Variants in UBE3B observed in about 807,000 individuals in gnomAD.
UBE3B encodes ubiquitin-protein ligase E3B.
Under a neutral mutation model 132.3 loss-of-function variants are expected in UBE3B, and 80 were observed. That is an observed-to-expected ratio of 0.60 (90% CI 0.50 to 0.73). UBE3B has a LOEUF of 0.73. Among genes scored for constraint, UBE3B ranks in the 30% least tolerant of loss-of-function variants. The pLI is 0.00. For synonymous variants in UBE3B, 487 were observed against 520.4 expected (o/e 0.94, Z 0.87); for missense variants, 1,196 against 1,362.5 (o/e 0.88, Z 1.92).
chr12:109,497,871 A>G lies in UBE3B; in HGVS notation c.767A>G (p.His256Arg). Residue 256 changes from histidine to arginine, a missense_variant, in exon 10 of 28, where the codon CAC (histidine) becomes CGC (arginine). Physicochemically the swap from His to Arg is conservative, Grantham distance 29. Coordinates refer to ENST00000342494, the MANE Select transcript of UBE3B (RefSeq NM_130466.4). ...SDNLIRPFLI[H>R]IMSVPALVTH... The stretch of plus-strand genomic sequence containing the variant: ...AATCTGATTCGGCCGTTCCTCATCC[A>G]CATCATGTCTGTGCCTGCTCTGGTG... 3 of 1,614,168 alleles carry G rather than the reference A, an allele frequency of 1.9e-6. No individual in the cohort carries two copies. Among genetic ancestry groups the G allele is most frequent in the African/African-American group, 1.3e-5 (1 of 75,040 alleles).
At chr12:109,506,787 G>T (rs1879745633) in intron 14 of UBE3B, among the ~76,000 whole-genome samples, 1 of 152,338 alleles carries the variant, frequency 6.6e-6, no homozygotes, top group Non-Finnish European at 1.5e-5. Context: ...AGGAACTGCA[G>T]CCTAACTTAG....
At chr12:109,545,921 AGTAAAGGGCC>A in the UBE3B span, among the ~76,000 whole-genome samples, 1 of 152,086 alleles carries the variant, frequency 6.6e-6, no homozygotes, top group South Asian at 2.1e-4. Context: ...GGGTGTGCTG[AGTAAAGGGCC>A]GATCTACCCT....
At chr12:109,505,431 C>A (rs1405211194) in intron 14 of UBE3B, among the ~76,000 whole-genome samples, 1 of 152,204 alleles carries the variant, frequency 6.6e-6, no homozygotes, top group Non-Finnish European at 1.5e-5. Flanking sequence ...TACATGAGTC[C>A]TTTACACAGA....
rs537217222 is a variant in UBE3B, at chr12:109,512,536, A to G, written c.1956+1233A>G. Among the ~76,000 whole-genome samples, 444 of 152,320 alleles carry G rather than the reference A, an allele frequency of 2.9e-3. 8 individuals carry two copies. Among genetic ancestry groups the G allele is most frequent in the Non-Finnish European group, 5.7e-4 (39 of 68,022 alleles). ...TCAGCTCCTCTTAGAAGAGTCTTCT[A>G]GGAGTCTAGGTTGTGTCCTTTATTT... On this transcript the variant is annotated intron_variant, in intron 18 of 27. Coordinates refer to ENST00000342494, the MANE Select transcript of UBE3B (RefSeq NM_130466.4).
At chr12:109,490,112 T>C (rs1877193425) in intron 8 of UBE3B, 108 bp downstream of exon 8, 6 of 1,150,882 alleles carry the variant, frequency 5.2e-6, no homozygotes, top group Non-Finnish European at 7.7e-6. Flanking sequence ...AGAAACACTT[T>C]TCATAGGAAG....
rs772779323 is a variant in UBE3B, at chr12:109,523,840, C to G, written c.2365-138C>G. ...TTGGTAGAGGATGGGGAGATACTGC[C>G]CTCCGGATTGGAAACTTAGGAGGGG... On this transcript the variant is annotated intron_variant, in intron 21 of 27. Coordinates refer to ENST00000342494, the MANE Select transcript of UBE3B (RefSeq NM_130466.4). 7.9e-5 allele frequency: 97 copies of G among 1,228,592 alleles called. No homozygotes were observed. In the Middle Eastern group the frequency reaches 1.7e-3, roughly 22 times the overall value. The allele number at this position is 1,228,592 out of a possible 1,614,324, so 76.1% of individuals were successfully genotyped here.
chr12:109,513,783 T>G (rs758454164), intron 18 of UBE3B, among the ~76,000 whole-genome samples: 11 of 152,146 alleles, frequency 7.2e-5, no homozygotes, highest in Non-Finnish European at 1.2e-4. Context: ...AATGGGGCCC[T>G]CGTCATCTCC....
chr12:109,478,600 G>A (rs1034879218), intron 1 of UBE3B, among the ~76,000 whole-genome samples: 2 of 152,170 alleles, frequency 1.3e-5, no homozygotes, highest in African/African-American at 2.4e-5. Context: ...GGCCAACATG[G>A]TGAAACCGCA....
chr12:109,510,301 G>A, intron 16 of UBE3B, 43 bp from the exon 17 acceptor site: 2 of 1,506,472 alleles, frequency 1.3e-6, no homozygotes, highest in African/African-American at 1.4e-5. Flanking sequence ...TTGCTCTCTG[G>A]CTCTGACTCC....
At chr12:109,511,432 G>A (rs773061391) in intron 18 of UBE3B, 129 bp downstream of exon 18, 4 of 819,234 alleles carry the variant, frequency 4.9e-6, no homozygotes, top group Non-Finnish European at 7.8e-6. Context: ...AGGAAACGGT[G>A]GTTGCTATTA....
intron 7 of UBE3B, among the ~76,000 whole-genome samples, chr12:109,489,564 C>A (rs1207636973): frequency 6.6e-6 from 1 of 152,188 alleles, no homozygotes; most frequent in Non-Finnish European, 1.5e-5. Context: ...CTGGGAAGCT[C>A]ATGTCCCATT....
At chr12:109,546,520 A>C in the UBE3B span, among the ~76,000 whole-genome samples, 2 of 152,202 alleles carry the variant, frequency 1.3e-5, no homozygotes, top group African/African-American at 2.4e-5. Context: ...TGTGGGCGTG[A>C]ATGAACCAGC....
chr12:109,490,131 G>A (rs1877199872), intron 8 of UBE3B, 127 bp downstream of exon 8: 2 of 989,246 alleles, frequency 2.0e-6, no homozygotes, highest in South Asian at 2.7e-5. Flanking sequence ...AGAGCTTGAT[G>A]CCTGCTGTCC....
intron 9 of UBE3B, among the ~76,000 whole-genome samples, chr12:109,494,005 T>C (rs1877836117): frequency 1.3e-5 from 2 of 152,172 alleles, no homozygotes; most frequent in Admixed American, 6.5e-5. Context: ...TTTAAAATTT[T>C]TGTAGAGACA....
chr12:109,482,772 A>G (rs775115131), intron 2 of UBE3B, among the ~76,000 whole-genome samples: 2 of 152,244 alleles, frequency 1.3e-5, no homozygotes, highest in African/African-American at 2.4e-5. Flanking sequence ...AAAACTTAGT[A>G]TATAATTTAG....
In UBE3B at chr12:109,527,434, CTT is replaced by C. The variant is rs374772085; in HGVS notation, c.2627+1020_2627+1021del. On this transcript the variant is annotated intron_variant, in intron 24 of 27. Coordinates refer to ENST00000342494, the MANE Select transcript of UBE3B (RefSeq NM_130466.4). ...GAACTGTTAATTGGAGCATCAGTCT[CTT>C]TAGTGACAAGTGAGGGCTCAGTCCC... 2.9e-3 allele frequency among the ~76,000 whole-genome samples: 448 copies of C among 152,316 alleles called. 10 individuals are homozygous for C. The highest frequency in any genetic ancestry group is 0.01 in the African/African-American group (427 of 41,566).
At chr12:109,490,411 A>C in intron 8 of UBE3B, 1 of 1,525,908 alleles carries the variant, frequency 6.6e-7, no homozygotes, top group Non-Finnish European at 8.8e-7. Context: ...TTGTTGAGAA[A>C]GCCTGATTGC....
chr12:109,480,109 G>A (rs764116774), intron 1 of UBE3B, among the ~76,000 whole-genome samples: 1 of 151,940 alleles, frequency 6.6e-6, no homozygotes, highest in Non-Finnish European at 1.5e-5. Context: ...AAGTTAATGG[G>A]TGAGAAATGT....
intron 4 of UBE3B, 131 bp downstream of exon 4, chr12:109,484,112 T>C (rs1167560058): frequency 5.9e-6 from 6 of 1,010,818 alleles, no homozygotes; most frequent in Non-Finnish European, 8.3e-6. Context: ...TCCCTTTTGT[T>C]TTCTTGGGAC....
Sources: allele counts gnomAD v4.1 joint callset (sites outside exome capture counted in the v4.1 genomes callset), GRCh38; gene constraint gnomAD v4.1.1; transcripts MANE v1.5; gene names NCBI Gene and HGNC (gene_info 2026-07-23, HGNC 2026-07-21).